DGKG: variants seen among roughly 807,000 people sequenced by gnomAD.
The protein encoded by DGKG is diacylglycerol kinase gamma, also known as DAG kinase gamma.
In DGKG, 78 loss-of-function variants were observed where a neutral mutation model predicts 105.3. The observed-to-expected ratio is 0.74, with a 90% confidence interval of 0.62 to 0.89. DGKG has a LOEUF of 0.89. Ranked by LOEUF, DGKG falls within the 40% of genes least tolerant of loss-of-function variation. DGKG has a pLI of 0.00. For missense variants in DGKG, 958 were observed against 1,020.1 expected, an observed-to-expected ratio of 0.94 and a Z score of 0.83; for synonymous variants, 346 against 367.1, an observed-to-expected ratio of 0.94 and a Z score of 0.66.
intron 3 of DGKG, chr3:186,306,664 AGGG>A: frequency 2.2e-6 from 1 of 453,768 alleles, no homozygotes; most frequent in South Asian, 3.7e-5. Context: ...TGAGGAGAGG[AGGG>A]GTGAGAGATG....
At chr3:186,262,051 G>A (rs1721801820) in intron 14 of DGKG, 50 of 361,938 alleles carry the variant, frequency 1.4e-4, no homozygotes, top group South Asian at 1.2e-3. Flanking sequence ...CAACGATGAC[G>A]TGGTCTTGTA....
intron 21 of DGKG, among the ~76,000 whole-genome samples, chr3:186,188,818 T>C (rs1717768010): frequency 6.6e-6 from 1 of 151,988 alleles, no homozygotes; most frequent in Admixed American, 6.6e-5. Context: ...TTTTCATATA[T>C]ATATATATTT....
intron 10 of DGKG, among the ~76,000 whole-genome samples, chr3:186,273,616 A>T (rs1487608953): frequency 6.6e-5 from 10 of 151,720 alleles, no homozygotes. Flanking sequence ...CTCGTGATCC[A>T]CCCGTCTTGG....
chr3:186,224,794 C>T (rs1719771786), intron 20 of DGKG, among the ~76,000 whole-genome samples: 1 of 125,462 alleles, frequency 8.0e-6, no homozygotes, highest in African/African-American at 3.0e-5. Context: ...TTAACCAATG[C>T]TACATACTTT....
chr3:186,225,392 C>A (rs75969512), intron 20 of DGKG, among the ~76,000 whole-genome samples: 1 of 152,028 alleles, frequency 6.6e-6, no homozygotes, highest in Non-Finnish European at 1.5e-5. Context: ...AATTTGTGAC[C>A]AAGGTCAAGC....
Position 186,149,193 on chromosome 3 carries a change from C to T in DGKG, c.*897G>A. The T allele has an allele frequency of 1.0e-6, 1 of 984,540 alleles. No homozygotes were observed. Among genetic ancestry groups the T allele is most frequent in the Non-Finnish European group, 1.2e-6 (1 of 829,690 alleles). 61.0% of individuals were successfully genotyped at this position (984,540 alleles called of 1,614,324 possible). On this transcript the variant is annotated 3_prime_UTR_variant, in exon 25 of 25. Coordinates refer to ENST00000265022, the MANE Select transcript of DGKG (RefSeq NM_001346.3). ...CTGCCACCAGGGCTTGGAACTCAAACAGGAAACACGCTTTGGCTTGAAAAA... is the reference window on the plus strand; with the variant it reads ...CTGCCACCAGGGCTTGGAACTCAAATAGGAAACACGCTTTGGCTTGAAAAA...
chr3:186,148,576 T>C lies in DGKG; in HGVS notation c.*1514A>G. On this transcript the variant is annotated 3_prime_UTR_variant, in exon 25 of 25. Transcript: ENST00000265022. ...TCAGTGACCAGAAATGACCCTACTC[T>C]GAGATGTGTGGGTTCTTTTCTCCAT... 3 of 985,262 alleles carry C rather than the reference T, an allele frequency of 3.0e-6. No individual in the cohort carries two copies. Among genetic ancestry groups the C allele is most frequent in the Non-Finnish European group, 3.6e-6 (3 of 829,792 alleles). The allele number at this position is 985,262 out of a possible 1,614,324, so 61.0% of individuals were successfully genotyped here. A position where few individuals can be genotyped will look rare whatever the true frequency, so the allele number is the denominator to read the frequency against.
At chr3:186,151,849 T>C (rs901336859) in intron 24 of DGKG, among the ~76,000 whole-genome samples, 2 of 152,028 alleles carry the variant, frequency 1.3e-5, no homozygotes, top group Non-Finnish European at 2.9e-5. Context: ...GAGGCTGAGA[T>C]GGGCGGATCA....
chr3:186,257,617 C>A, intron 17 of DGKG: 1 of 450,794 alleles, frequency 2.2e-6, no homozygotes, highest in Non-Finnish European at 4.1e-6. Context: ...ATCTGCTTTA[C>A]AGGAAAGGCC....
At chr3:186,269,406 T>C (rs999520134) in intron 11 of DGKG, among the ~76,000 whole-genome samples, 3 of 152,152 alleles carry the variant, frequency 2.0e-5, no homozygotes, top group African/African-American at 7.2e-5. Context: ...TGGGAATTGG[T>C]ATAAGAAGTC....
intron 10 of DGKG, among the ~76,000 whole-genome samples, chr3:186,273,573 C>T (rs1039362264): frequency 6.6e-6 from 1 of 151,912 alleles, no homozygotes; most frequent in African/African-American, 2.4e-5. Context: ...CGGGGTTTCA[C>T]CATGTTGGCC....
In DGKG at chr3:186,306,913, A is replaced by G. The variant is rs758534426; in HGVS notation, c.132T>C (p.Tyr44=). ...EFNEGGSLKQ[Y]DPHEPISYDV... is the part of the protein sequence containing the mutation. ...GAAATGTTCTTACCTCATGTGGGTC[A>G]TATTGTTTGAGGCTCCCACCCTCAT... is the stretch of plus-strand genomic sequence containing the variant. The change falls in exon 3 of 25, where the codon TAT becomes TAC. Residue 44 remains tyrosine (Y), a synonymous_variant. Transcript: ENST00000265022. 1 of 1,610,074 alleles carries G rather than the reference A, an allele frequency of 6.2e-7. No homozygotes were observed. The highest frequency in any genetic ancestry group is 1.3e-5 in the African/African-American group (1 of 74,842).
At chr3:186,297,077 C>T (rs181246695) in intron 5 of DGKG, among the ~76,000 whole-genome samples, 1 of 140,612 alleles carries the variant, frequency 7.1e-6, no homozygotes, top group Non-Finnish European at 1.5e-5. Flanking sequence ...CTCACACACA[C>T]ACACACACAC....
chr3:186,250,830 G>A (rs772970658), intron 19 of DGKG, among the ~76,000 whole-genome samples: 3 of 152,138 alleles, frequency 2.0e-5, no homozygotes. Context: ...GATTGCAGGC[G>A]TGAGCTACCG....
At chr3:186,221,150 G>T (rs1283760616) in intron 20 of DGKG, among the ~76,000 whole-genome samples, 2 of 152,220 alleles carry the variant, frequency 1.3e-5, no homozygotes, top group Admixed American at 1.3e-4. Flanking sequence ...CCAGCAGCCT[G>T]ACTGGAGAAT....
rs572078178 is a variant in DGKG, at chr3:186,160,103, C to T, written c.2277+1500G>A. ...ATTCTATTATGGCACTCAAAGCAGA[C>T]GAATATACCTTTACATACGGATTTC... On this transcript the variant is annotated intron_variant, in intron 24 of 24. Coordinates refer to ENST00000265022, the MANE Select transcript of DGKG (RefSeq NM_001346.3). 1.8e-4 allele frequency: 141 copies of T among 763,002 alleles called. 1 individual carries two copies. Among genetic ancestry groups the T allele is most frequent in the African/African-American group, 1.3e-3 (67 of 52,324 alleles). 47.3% of individuals were successfully genotyped at this position (763,002 alleles called of 1,614,324 possible).
intron 24 of DGKG, among the ~76,000 whole-genome samples, chr3:186,155,262 G>A (rs1349575545): frequency 2.6e-5 from 4 of 152,066 alleles, no homozygotes; most frequent in Non-Finnish European, 2.9e-5. Context: ...GCGTGATCTC[G>A]GCTCACTGCA....
Position 186,284,595 on chromosome 3 carries a change from C to G in DGKG, c.594+65G>C, listed in dbSNP as rs1560133437. On this transcript the variant is annotated intron_variant, in intron 7 of 24. Coordinates refer to ENST00000265022, the MANE Select transcript of DGKG (RefSeq NM_001346.3). The surrounding 1 kb of genome is among the most constrained non-coding windows in gnomAD (Gnocchi z 4.0). ...AACTGAACATTTTCAGATTCTTCCT[C>G]TGCTTGCTCCCTGCTCCCCCAGCCT... 1 of 1,360,524 alleles carries G rather than the reference C, an allele frequency of 7.4e-7. No homozygotes were observed. The highest frequency in any genetic ancestry group is 1.1e-6 in the Non-Finnish European group (1 of 950,702). 84.3% of individuals were successfully genotyped at this position (1,360,524 alleles called of 1,614,324 possible). A position where few individuals can be genotyped will look rare whatever the true frequency, so the allele number is the denominator to read the frequency against.
At chr3:186,209,754 C>T (rs1224982218) in intron 21 of DGKG, among the ~76,000 whole-genome samples, 1 of 152,028 alleles carries the variant, frequency 6.6e-6, no homozygotes, top group African/African-American at 2.4e-5. Context: ...CCATGCCTCG[C>T]CCTGTCCGTC....
Sources: gnomAD v4.1 joint callset for allele counts (sites outside exome capture counted in the v4.1 genomes callset) on GRCh38, gnomAD v4.1.1 for gene constraint, Gnocchi (gnomAD v3.1) non-coding constraint, MANE v1.5 for transcripts, NCBI Gene and HGNC (gene_info 2026-07-23, HGNC 2026-07-21) for gene names.